Variants in FBXL7 observed in about 807,000 individuals in gnomAD.
The protein encoded by FBXL7 is F-box and leucine rich repeat protein 7.
In FBXL7, 12 loss-of-function variants were observed where a neutral mutation model predicts 38.3. That is an observed-to-expected ratio of 0.31 (90% CI 0.20 to 0.51). The LOEUF (loss-of-function observed/expected upper bound fraction) is 0.51. Among genes scored for constraint, FBXL7 ranks in the 20% least tolerant of loss-of-function variants. The pLI, the probability that FBXL7 is intolerant of heterozygous loss-of-function variation, is 0.98. For synonymous variants in FBXL7, 297 were observed against 300.9 expected, an observed-to-expected ratio of 0.99 and a Z score of 0.13; for missense variants, 567 against 676.4, an observed-to-expected ratio of 0.84 and a Z score of 1.79.
chr5:15,769,798 TAA>T (rs1387002329), intron 2 of FBXL7, among the ~76,000 whole-genome samples: 1 of 151,950 alleles, frequency 6.6e-6, no homozygotes, highest in Non-Finnish European at 1.5e-5. Context: ...GATTTATTAA[TAA>T]TACCATATCA....
chr5:15,586,099 A>G (rs1172545257), intron 1 of FBXL7, among the ~76,000 whole-genome samples: 1 of 152,100 alleles, frequency 6.6e-6, no homozygotes, highest in African/African-American at 2.4e-5. Context: ...ATATTTGGCT[A>G]AGAACTTTCT....
At chr5:15,575,249 T>G (rs1224102979) in intron 1 of FBXL7, among the ~76,000 whole-genome samples, 1 of 152,248 alleles carries the variant, frequency 6.6e-6, no homozygotes, top group Non-Finnish European at 1.5e-5. Flanking sequence ...AGGTTTGTCT[T>G]TAACTTATTC....
Position 15,726,421 on chromosome 5 carries a change from A to G in FBXL7, c.127+110349A>G, listed in dbSNP as rs534305870. Among the ~76,000 whole-genome samples the G allele has an allele frequency of 6.6e-5, 10 of 152,152 alleles. No homozygotes were observed. The East Asian group carries it at 1.7e-3, about 27-fold the overall frequency. Reference sequence around the variant, plus strand: ...CTCATCCTGGGCAACATAGTGAGACATCGCCCCTTAAAAAAATAAAATAAA... The same window carrying G: ...CTCATCCTGGGCAACATAGTGAGACGTCGCCCCTTAAAAAAATAAAATAAA... On this transcript the variant is annotated intron_variant, in intron 2 of 3. Coordinates refer to ENST00000504595, the MANE Select transcript of FBXL7 (RefSeq NM_012304.5).
intron 2 of FBXL7, among the ~76,000 whole-genome samples, chr5:15,850,904 C>T (rs777622782): frequency 1.7e-4 from 26 of 152,222 alleles, no homozygotes; most frequent in Non-Finnish European, 2.8e-4. Context: ...TTCCTTTGAA[C>T]GTGTGCTCTG....
intron 2 of FBXL7, among the ~76,000 whole-genome samples, chr5:15,743,925 A>C (rs1289145400): frequency 6.6e-6 from 1 of 152,220 alleles, no homozygotes; most frequent in East Asian, 1.9e-4. Context: ...CCTGAGCTCT[A>C]CATTGGCTTC....
intron 2 of FBXL7, among the ~76,000 whole-genome samples, chr5:15,823,138 CG>C (rs1384007689): frequency 2.0e-5 from 3 of 152,100 alleles, no homozygotes; most frequent in African/African-American, 7.2e-5. Flanking sequence ...TGCCTGTTGC[CG>C]TATAAGCCGT....
At chr5:15,695,067 C>G (rs1040406167) in intron 2 of FBXL7, among the ~76,000 whole-genome samples, 2 of 152,114 alleles carry the variant, frequency 1.3e-5, no homozygotes, top group Non-Finnish European at 2.9e-5. Flanking sequence ...AGTGTCTAAC[C>G]CAACTTCATA....
intron 2 of FBXL7, among the ~76,000 whole-genome samples, chr5:15,763,039 A>G (rs1247470728): frequency 1.3e-5 from 2 of 152,172 alleles, no homozygotes; most frequent in African/African-American, 2.4e-5. Flanking sequence ...ACTGCTATCA[A>G]GTACATTTCA....
chr5:15,605,731 T>C (rs964036789), intron 1 of FBXL7, among the ~76,000 whole-genome samples: 2 of 152,196 alleles, frequency 1.3e-5, no homozygotes, highest in Non-Finnish European at 2.9e-5. Flanking sequence ...AATGGCAAAT[T>C]TTGTGTTATG....
At chr5:15,772,418 A>G (rs1259317661) in intron 2 of FBXL7, among the ~76,000 whole-genome samples, 1 of 152,216 alleles carries the variant, frequency 6.6e-6, no homozygotes, top group Non-Finnish European at 1.5e-5. Flanking sequence ...GCTAGAGAAG[A>G]GACAAAACCC....
At position 15,875,145 on chromosome 5, in the gene FBXL7, T is replaced by G. The variant is rs183809496; in HGVS notation, c.128-52745T>G. 7.1e-3 allele frequency among the ~76,000 whole-genome samples: 1,075 copies of G among 152,122 alleles called. 23 individuals are homozygous for G. Among genetic ancestry groups the G allele is most frequent in the African/African-American group, 0.025 (1,026 of 41,508 alleles). On this transcript the variant is annotated intron_variant, in intron 2 of 3. Transcript: ENST00000504595. ...CACATCTGATCTTTGACAAACCTGA[T>G]AAAACAAGCAGTGGGGAAAGGATTC...
At chr5:15,511,881 G>A (rs186671331) in intron 1 of FBXL7, among the ~76,000 whole-genome samples, 78 of 152,300 alleles carry the variant, frequency 5.1e-4, no homozygotes, top group African/African-American at 1.8e-3. Context: ...ACCCAGAAGT[G>A]TAGCTTTGAA....
intron 1 of FBXL7, among the ~76,000 whole-genome samples, chr5:15,565,466 T>C (rs1272550840): frequency 2.0e-5 from 3 of 151,672 alleles, no homozygotes; most frequent in African/African-American, 7.3e-5. Context: ...ATAGGAGATG[T>C]ATGTCTATAA....
chr5:15,515,912 G>A (rs1736922970), intron 1 of FBXL7, among the ~76,000 whole-genome samples: 1 of 152,044 alleles, frequency 6.6e-6, no homozygotes, highest in Non-Finnish European at 1.5e-5. Context: ...GAATCACTAT[G>A]ATACTGAGAA....
intron 1 of FBXL7, 133 bp from the exon 2 acceptor site, chr5:15,615,850 A>G: frequency 1.9e-6 from 1 of 538,974 alleles, no homozygotes; most frequent in Non-Finnish European, 3.3e-6. Context: ...AAAAAACTTA[A>G]TAAACTCCAT....
intron 2 of FBXL7, among the ~76,000 whole-genome samples, chr5:15,792,221 T>C (rs1051781853): frequency 6.6e-6 from 1 of 152,162 alleles, no homozygotes; most frequent in African/African-American, 2.4e-5. Context: ...CTGGACCTCA[T>C]GATTAAATGA....
At chr5:15,922,432 A>T (rs1274305240) in intron 2 of FBXL7, among the ~76,000 whole-genome samples, 1 of 152,104 alleles carries the variant, frequency 6.6e-6, no homozygotes, top group Non-Finnish European at 1.5e-5. Context: ...CTTGCCAGGG[A>T]TGCTGTGGGT....
intron 2 of FBXL7, among the ~76,000 whole-genome samples, chr5:15,743,064 A>G (rs1735931957): frequency 6.6e-6 from 1 of 152,190 alleles, no homozygotes; most frequent in South Asian, 2.1e-4. Context: ...CTACGATTCA[A>G]GATGAGATTT....
chr5:15,518,421 A>G (rs1464854677), intron 1 of FBXL7, among the ~76,000 whole-genome samples: 1 of 152,168 alleles, frequency 6.6e-6, no homozygotes, highest in Non-Finnish European at 1.5e-5. Flanking sequence ...GGGAGATGCT[A>G]TTCGTGAGCC....
Sources: allele counts gnomAD v4.1 joint callset (sites outside exome capture counted in the v4.1 genomes callset), GRCh38; gene constraint gnomAD v4.1.1; transcripts MANE v1.5; gene names NCBI Gene and HGNC (gene_info 2026-07-23, HGNC 2026-07-21).